HPSE2: variants seen among roughly 807,000 people sequenced by gnomAD.
HPSE2 encodes inactive heparanase-2.
A neutral mutation model predicts 60.5 loss-of-function variants in HPSE2; 38 were observed. The ratio of observed to expected loss-of-function variants is 0.63; its 90% CI spans 0.48 to 0.82. The LOEUF is 0.82. HPSE2 is among the 40% of genes least tolerant of loss of function. The pLI, the probability that HPSE2 is intolerant of heterozygous loss-of-function variation, is 0.00. For missense variants in HPSE2, 713 were observed against 740.4 expected (o/e 0.96, Z 0.43); for synonymous variants, 295 against 293.2 (o/e 1.01, Z -0.06).
At chr10:98,731,628 C>T (rs1949230198) in intron 4 of HPSE2, among the ~76,000 whole-genome samples, 1 of 152,170 alleles carries the variant, frequency 6.6e-6, no homozygotes, top group East Asian at 1.9e-4. Flanking sequence ...ACTTTCTCAA[C>T]TTGATAAAGC....
At chr10:98,844,341 TC>T (rs1322571274) in intron 3 of HPSE2, among the ~76,000 whole-genome samples, 2 of 152,226 alleles carry the variant, frequency 1.3e-5, no homozygotes, top group Non-Finnish European at 2.9e-5. Flanking sequence ...CCAAGAATCT[TC>T]ATTTAGAGGT....
At chr10:98,800,003 T>C (rs1950868951) in intron 3 of HPSE2, among the ~76,000 whole-genome samples, 1 of 152,064 alleles carries the variant, frequency 6.6e-6, no homozygotes, top group South Asian at 2.1e-4. Flanking sequence ...AGTTGTTTTT[T>C]TGAAAAGATA....
chr10:98,818,032 T>C (rs1951332921), intron 3 of HPSE2, among the ~76,000 whole-genome samples: 1 of 152,178 alleles, frequency 6.6e-6, no homozygotes, highest in Admixed American at 6.5e-5. Context: ...TCAGCATATA[T>C]GAAAAGTTGG....
the HPSE2 span, among the ~76,000 whole-genome samples, chr10:99,259,308 C>CAAAAA: frequency 7.4e-6 from 1 of 134,230 alleles, no homozygotes; most frequent in Non-Finnish European, 1.6e-5. Context: ...CCCCCCCCAC[C>CAAAAA]AAAAAAAAAA....
At chr10:99,102,854 T>G (rs1210989036) in intron 3 of HPSE2, among the ~76,000 whole-genome samples, 2 of 152,008 alleles carry the variant, frequency 1.3e-5, no homozygotes, top group African/African-American at 2.4e-5. Flanking sequence ...ATGTAATCCA[T>G]CATATAAACA....
intron 9 of HPSE2, among the ~76,000 whole-genome samples, chr10:98,587,191 G>C (rs1944962397): frequency 6.6e-6 from 1 of 152,014 alleles, no homozygotes; most frequent in South Asian, 2.1e-4. Flanking sequence ...ACAACACTCT[G>C]AACATACTTT....
At chr10:98,785,694 G>T (rs368569121) in intron 3 of HPSE2, among the ~76,000 whole-genome samples, 2 of 145,144 alleles carry the variant, frequency 1.4e-5, no homozygotes, top group African/African-American at 5.1e-5. Context: ...GTCGAGGAAT[G>T]TATCCATTTC....
intron 4 of HPSE2, among the ~76,000 whole-genome samples, chr10:98,727,164 T>C (rs1047594972): frequency 6.6e-6 from 1 of 152,100 alleles, no homozygotes. Flanking sequence ...GTCCAAGACC[T>C]ATGGTATGGA....
chr10:98,804,514 AC>A (rs1262086188), intron 3 of HPSE2, among the ~76,000 whole-genome samples: 1 of 152,202 alleles, frequency 6.6e-6, no homozygotes, highest in African/African-American at 2.4e-5. Context: ...CAAATGGCAT[AC>A]AGGCACATGA....
chr10:98,496,831 T>A (rs1235643489), intron 9 of HPSE2, among the ~76,000 whole-genome samples: 2 of 152,334 alleles, frequency 1.3e-5, no homozygotes, highest in African/African-American at 4.8e-5. Context: ...ACAGTATAAA[T>A]ATTCTGTTCA....
chr10:98,739,174 G>A (rs1949433083), intron 4 of HPSE2, among the ~76,000 whole-genome samples: 1 of 152,126 alleles, frequency 6.6e-6, no homozygotes, highest in Non-Finnish European at 1.5e-5. Flanking sequence ...CCTTTGCAGG[G>A]ACATGGATGA....
chr10:98,937,910 A>G (rs1954857312), intron 3 of HPSE2, among the ~76,000 whole-genome samples: 2 of 143,610 alleles, frequency 1.4e-5, no homozygotes, highest in Non-Finnish European at 3.0e-5. Context: ...GAACGATCAG[A>G]CAGCAGCATT....
At chr10:98,730,725 T>A (rs542899538) in intron 4 of HPSE2, among the ~76,000 whole-genome samples, 68 of 152,252 alleles carry the variant, frequency 4.5e-4, no homozygotes, top group Middle Eastern at 3.4e-3. Context: ...TAAATTTTTT[T>A]AAAAAATGCA....
intron 3 of HPSE2, among the ~76,000 whole-genome samples, chr10:98,999,205 G>T (rs1163604864): frequency 6.6e-6 from 1 of 151,424 alleles, no homozygotes; most frequent in East Asian, 2.0e-4. Context: ...GCATGTGTGT[G>T]TAAAGAGAGA....
intron 6 of HPSE2, among the ~76,000 whole-genome samples, chr10:98,680,436 T>C (rs545363971): frequency 5.3e-4 from 81 of 152,310 alleles, no homozygotes; most frequent in Middle Eastern, 3.4e-3. Context: ...ATGGTTTGTA[T>C]TGGAAAAACT....
At chr10:99,094,557 T>TTA (rs1843650818) in intron 3 of HPSE2, among the ~76,000 whole-genome samples, 1 of 101,482 alleles carries the variant, frequency 9.9e-6, no homozygotes. Flanking sequence ...TTTTTTTTTT[T>TTA]TTTTTTTTTT....
At chr10:98,608,592 A>G (rs1945659941) in intron 9 of HPSE2, among the ~76,000 whole-genome samples, 1 of 152,230 alleles carries the variant, frequency 6.6e-6, no homozygotes, top group African/African-American at 2.4e-5. Flanking sequence ...TTCCCTGGGC[A>G]TGCAGCCCAG....
chr10:99,029,775 G>C (rs190454434), intron 3 of HPSE2, among the ~76,000 whole-genome samples: 9 of 152,306 alleles, frequency 5.9e-5, no homozygotes, highest in Middle Eastern at 3.4e-3. Context: ...ACAGGGAGAC[G>C]GTTAGGCCTC....
At chr10:98,479,060 C>A (rs1028074085) in intron 11 of HPSE2, among the ~76,000 whole-genome samples, 1 of 152,190 alleles carries the variant, frequency 6.6e-6, no homozygotes, top group Admixed American at 6.5e-5. Flanking sequence ...TGAGTTCACA[C>A]AGAGTTGCCC....
Sources: allele counts gnomAD v4.1 joint callset (sites outside exome capture counted in the v4.1 genomes callset), GRCh38; gene constraint gnomAD v4.1.1; transcripts MANE v1.5; gene names NCBI Gene and HGNC (gene_info 2026-07-23, HGNC 2026-07-21).